The following ULK4 variants were observed in gnomAD, a reference collection of about 807,000 sequenced individuals.
ULK4 encodes the protein unc-51 like kinase 4, also known as inactive serine/threonine-protein kinase ULK4.
A neutral mutation model predicts 160.6 loss-of-function variants in ULK4; 133 were observed. The ratio of observed to expected loss-of-function variants is 0.83; its 90% CI spans 0.72 to 0.96. The LOEUF (loss-of-function observed/expected upper bound fraction) is 0.96, where lower values mean the gene tolerates loss of function less well. ULK4 is among the 40% of genes least tolerant of loss of function. The pLI, the probability that ULK4 is intolerant of heterozygous loss-of-function variation, is 0.00. For missense variants in ULK4, 1,580 were observed against 1,499.5 expected, an observed-to-expected ratio of 1.05 and a Z score of -0.89; for synonymous variants, 534 against 539.8, an observed-to-expected ratio of 0.99 and a Z score of 0.15.
At chr3:41,837,381 C>A (rs1450950885) in intron 17 of ULK4, among the ~76,000 whole-genome samples, 15 of 152,058 alleles carry the variant, frequency 9.9e-5, no homozygotes, top group Admixed American at 9.8e-4. Context: ...TCCCTCTTTC[C>A]TACTTACTTC....
chr3:41,857,895 T>C (rs2042398579), intron 17 of ULK4, among the ~76,000 whole-genome samples: 1 of 152,130 alleles, frequency 6.6e-6, no homozygotes, highest in Admixed American at 6.5e-5. Flanking sequence ...TTTAACTCTT[T>C]GGAAAAACTA....
chr3:41,383,630 T>A (rs2081727651), intron 35 of ULK4, among the ~76,000 whole-genome samples: 2 of 152,182 alleles, frequency 1.3e-5, no homozygotes, highest in African/African-American at 4.8e-5. Context: ...TAGAACCAGA[T>A]AATAATTCCC....
At chr3:41,874,174 C>A in intron 17 of ULK4, among the ~76,000 whole-genome samples, 1 of 152,032 alleles carries the variant, frequency 6.6e-6, no homozygotes, top group Non-Finnish European at 1.5e-5. Flanking sequence ...TGTAGTTGTT[C>A]TAGTAATGAA....
At chr3:41,925,772 T>A (rs1288346238) in intron 5 of ULK4, among the ~76,000 whole-genome samples, 1 of 151,506 alleles carries the variant, frequency 6.6e-6, no homozygotes, top group African/African-American at 2.4e-5. Context: ...CCTCACAGCA[T>A]AAACAAAGCC....
At position 41,809,176 on chromosome 3, in the gene ULK4, C is replaced by CAAA. The variant is rs533578363; in HGVS notation, c.1849-8886_1849-8884dup. ...GCAAGACTCCGTCTCAAAAAAAAAA[C>CAAA]AAAAAAAAAAACAAAAAAAAACAAA... On this transcript the variant is annotated intron_variant, in intron 19 of 36. Transcript: ENST00000301831. Among the ~76,000 whole-genome samples, 729 of 75,540 alleles carry CAAA rather than the reference C, an allele frequency of 9.7e-3. 7 individuals carry two copies. The highest frequency in any genetic ancestry group is 0.024 in the African/African-American group (676 of 27,882). 49.6% of individuals were successfully genotyped at this position (75,540 alleles called of 152,430 possible).
intron 34 of ULK4, among the ~76,000 whole-genome samples, chr3:41,414,831 C>T (rs1027394307): frequency 7.2e-5 from 11 of 152,144 alleles, no homozygotes; most frequent in African/African-American, 1.2e-4. Flanking sequence ...GCCTTGACAC[C>T]GTCCCCTTTC....
At chr3:41,407,377 T>G (rs1331617562) in intron 34 of ULK4, among the ~76,000 whole-genome samples, 1 of 152,142 alleles carries the variant, frequency 6.6e-6, no homozygotes, top group Non-Finnish European at 1.5e-5. Flanking sequence ...ACTACCCTGA[T>G]ACCCCAACCA....
In ULK4 at chr3:41,300,837, TTATATATATATATATA is replaced by T. The variant is rs66602936; in HGVS notation, c.3679-51279_3679-51264del. Among the ~76,000 whole-genome samples, 445 of 57,864 alleles carry T rather than the reference TTATATATATATATATA, an allele frequency of 7.7e-3. 6 individuals are homozygous for T. Among genetic ancestry groups the T allele is most frequent in the East Asian group, 0.039 (57 of 1,480 alleles). The allele number at this position is 57,864 out of a possible 152,430, so 38.0% of individuals were successfully genotyped here. A position where few individuals can be genotyped will look rare whatever the true frequency, so the allele number is the denominator to read the frequency against. On this transcript the variant is annotated intron_variant, in intron 35 of 36. Transcript: ENST00000301831. The stretch of plus-strand genomic sequence containing the variant: ...GATTAAATTTTGATCATTTTACAGA[TTATATATATATATATA>T]TATATATATATATATATATATATAT...
chr3:41,486,289 T>C (rs1308948834), intron 32 of ULK4, among the ~76,000 whole-genome samples: 1 of 152,194 alleles, frequency 6.6e-6, no homozygotes, highest in African/African-American at 2.4e-5. Flanking sequence ...GTGGAATAAC[T>C]GACATTACAA....
At chr3:41,653,628 A>G (rs1487021327) in intron 30 of ULK4, among the ~76,000 whole-genome samples, 1 of 152,228 alleles carries the variant, frequency 6.6e-6, no homozygotes, top group African/African-American at 2.4e-5. Flanking sequence ...TAAAGCAAGA[A>G]TCAGCAAACA....
At chr3:41,805,090 C>T (rs1344417833) in intron 19 of ULK4, among the ~76,000 whole-genome samples, 4 of 152,184 alleles carry the variant, frequency 2.6e-5, no homozygotes, top group African/African-American at 4.8e-5. Flanking sequence ...GCCATTTTCA[C>T]GATACTGATT....
At chr3:41,533,953 G>A (rs933006164) in intron 32 of ULK4, among the ~76,000 whole-genome samples, 6 of 151,956 alleles carry the variant, frequency 3.9e-5, no homozygotes, top group South Asian at 2.1e-4. Context: ...GATTACAGGC[G>A]CCCGCCACCA....
intron 22 of ULK4, among the ~76,000 whole-genome samples, chr3:41,751,070 C>CG (rs2038611994): frequency 6.6e-6 from 1 of 151,320 alleles, no homozygotes; most frequent in Non-Finnish European, 1.5e-5. Flanking sequence ...CTGCTCTTCC[C>CG]GTTCTTTCTC....
At chr3:41,568,239 G>T (rs1238613479) in intron 31 of ULK4, among the ~76,000 whole-genome samples, 1 of 152,210 alleles carries the variant, frequency 6.6e-6, no homozygotes, top group Non-Finnish European at 1.5e-5. Flanking sequence ...GTTAGAAGGT[G>T]ATATACACTA....
chr3:41,514,993 G>A (rs1379303424), intron 32 of ULK4, among the ~76,000 whole-genome samples: 1 of 152,076 alleles, frequency 6.6e-6, no homozygotes, highest in African/African-American at 2.4e-5. Flanking sequence ...GGTGGCTCAC[G>A]CTTGTAATTG....
At chr3:41,910,968 C>G (rs1229423646) in intron 11 of ULK4, among the ~76,000 whole-genome samples, 1 of 152,092 alleles carries the variant, frequency 6.6e-6, no homozygotes, top group Non-Finnish European at 1.5e-5. Flanking sequence ...GTCTCAAAAA[C>G]AAAACAAACC....
intron 32 of ULK4, among the ~76,000 whole-genome samples, chr3:41,494,954 T>C (rs2084931291): frequency 6.6e-6 from 1 of 151,998 alleles, no homozygotes; most frequent in Non-Finnish European, 1.5e-5. Flanking sequence ...TGGAAGAACA[T>C]TCCATGCTCA....
At chr3:41,858,919 T>C (rs145675566) in intron 17 of ULK4, among the ~76,000 whole-genome samples, 155 of 152,302 alleles carry the variant, frequency 1.0e-3, no homozygotes, top group African/African-American at 3.7e-3. Flanking sequence ...GAGACAGCTC[T>C]TCCCTCTGAA....
intron 35 of ULK4, among the ~76,000 whole-genome samples, chr3:41,351,700 A>G (rs113718462): frequency 6.6e-6 from 1 of 152,188 alleles, no homozygotes; most frequent in Non-Finnish European, 1.5e-5. Flanking sequence ...AAATGGAGCC[A>G]TCTTCTCACA....
Sources: allele counts gnomAD v4.1 joint callset (sites outside exome capture counted in the v4.1 genomes callset), GRCh38; gene constraint gnomAD v4.1.1; transcripts MANE v1.5; gene names NCBI Gene and HGNC (gene_info 2026-07-23, HGNC 2026-07-21).